HERC5: variants seen among roughly 807,000 people sequenced by gnomAD.
HERC5 encodes the protein E3 ISG15--protein ligase HERC5.
HERC5 carries 99 observed loss-of-function variants against 119.6 expected under a neutral mutation model. That is an observed-to-expected ratio of 0.83 (90% CI 0.70 to 0.98). The LOEUF (loss-of-function observed/expected upper bound fraction) is 0.98, where lower values mean the gene tolerates loss of function less well. Among genes scored for constraint, HERC5 ranks in the 50% least tolerant of loss-of-function variants. The probability of loss-of-function intolerance (pLI) is 0.00; values close to 1 mark genes in which losing one functional copy is unlikely to be tolerated. For missense variants in HERC5, 1,267 were observed against 1,241.3 expected (o/e 1.02, Z -0.31); for synonymous variants, 478 against 445.9 (o/e 1.07, Z -0.91).
chr4:88,479,081 T>G (rs978676211), intron 12 of HERC5, among the ~76,000 whole-genome samples: 1 of 151,154 alleles, frequency 6.6e-6, no homozygotes, highest in Non-Finnish European at 1.5e-5. Flanking sequence ...AGGTCAGGAG[T>G]TCAAGACCAG....
chr4:88,478,542 A>G (rs1470058604), intron 12 of HERC5, among the ~76,000 whole-genome samples: 1 of 152,188 alleles, frequency 6.6e-6, no homozygotes, highest in Non-Finnish European at 1.5e-5. Context: ...GGAGGACTGT[A>G]GTTAATAACA....
chr4:88,472,400 C>T lies in HERC5; in HGVS notation c.1299-9C>T. On this transcript the variant is annotated splice_polypyrimidine_tract_variant and intron_variant, in intron 10 of 22. Coordinates refer to ENST00000264350, the MANE Select transcript of HERC5 (RefSeq NM_016323.4). ...CTAACAAAATACTTAATTTATCTTTCTTCTACAGAAGAACTACAGAAATGA... is the reference window on the plus strand; with the variant it reads ...CTAACAAAATACTTAATTTATCTTTTTTCTACAGAAGAACTACAGAAATGA... 6.7e-7 allele frequency: 1 copy of T among 1,485,636 alleles called. No homozygotes were observed. Among genetic ancestry groups the T allele is most frequent in the Non-Finnish European group, 9.3e-7 (1 of 1,072,510 alleles). 92.0% of individuals were successfully genotyped at this position (1,485,636 alleles called of 1,614,324 possible). A position where few individuals can be genotyped will look rare whatever the true frequency, so the allele number is the denominator to read the frequency against.
At chr4:88,484,433 G>A (rs745926323) in intron 13 of HERC5, among the ~76,000 whole-genome samples, 1 of 150,956 alleles carries the variant, frequency 6.6e-6, no homozygotes, top group African/African-American at 2.4e-5. Context: ...CTTCTGCCAG[G>A]CTCCTAGAGA....
At position 88,459,541 on chromosome 4, in the gene HERC5, T is replaced by A. The variant is rs1370726009; in HGVS notation, c.389+71T>A. 7 of 1,016,128 alleles carry A rather than the reference T, an allele frequency of 6.9e-6. No homozygotes were observed. The Admixed American group carries it at 1.4e-4, about 20-fold the overall frequency. 62.9% of individuals were successfully genotyped at this position (1,016,128 alleles called of 1,614,324 possible). ...ACAATAATAATTTCTGTAGGAAATATCTGATTCTTGTCCCCTGCTTTATAT... is the reference window on the plus strand; with the variant it reads ...ACAATAATAATTTCTGTAGGAAATAACTGATTCTTGTCCCCTGCTTTATAT... On this transcript the variant is annotated intron_variant, in intron 2 of 22. Transcript: ENST00000264350.
At chr4:88,498,972 G>A (rs1387032358) in intron 18 of HERC5, among the ~76,000 whole-genome samples, 3 of 152,156 alleles carry the variant, frequency 2.0e-5, no homozygotes, top group Admixed American at 2.0e-4. Flanking sequence ...AACCCACAAT[G>A]AATAAAACAT....
chr4:88,477,145 A>G, intron 12 of HERC5, among the ~76,000 whole-genome samples: 1 of 140,420 alleles, frequency 7.1e-6, no homozygotes, highest in Non-Finnish European at 1.5e-5. Context: ...CTTCATCTCT[A>G]CTAAAAATAT....
chr4:88,486,086 A>G (rs1741452898), intron 13 of HERC5, 29 bp from the exon 14 acceptor site: 1 of 1,415,376 alleles, frequency 7.1e-7, no homozygotes, highest in Non-Finnish European at 9.8e-7. Context: ...TAAATATAAA[A>G]CTTTTTCACA....
intron 18 of HERC5, among the ~76,000 whole-genome samples, chr4:88,495,399 CAAAA>C (rs1442400102): frequency 6.6e-6 from 1 of 151,852 alleles, no homozygotes. Context: ...AACAAACAAA[CAAAA>C]ACAACAAAAA....
intron 13 of HERC5, among the ~76,000 whole-genome samples, chr4:88,482,224 C>T (rs1004243897): frequency 9.3e-5 from 14 of 151,170 alleles, no homozygotes; most frequent in Non-Finnish European, 1.9e-4. Flanking sequence ...GCAGGAGAGT[C>T]GCTTGAATCC....
rs1490932828 is a variant in HERC5 at position 88,470,639 on chromosome 4, C to A, written c.1264C>A (p.Pro422Thr). ...KREIQEIFSS[P>T]ACLTGSFLRK... is the part of the protein sequence containing the mutation. The stretch of plus-strand genomic sequence containing the variant: ...GGAAATCCAAGAGATATTTTCATCT[C>A]CTGCTTGTCTAACTGGAAGTTTTTT... The change falls in exon 10 of 23, where the codon CCT becomes ACT. Residue 422 changes from proline to threonine, a missense_variant. Pro to Thr is a conservative substitution (Grantham distance 38). Coordinates refer to ENST00000264350, the MANE Select transcript of HERC5 (RefSeq NM_016323.4). The A allele has an allele frequency of 1.3e-6, 2 of 1,512,760 alleles. No individual in the cohort carries two copies. Among genetic ancestry groups the A allele is most frequent in the Non-Finnish European group, 1.8e-6 (2 of 1,094,114 alleles). 93.7% of individuals were successfully genotyped at this position (1,512,760 alleles called of 1,614,324 possible).
chr4:88,476,128 A>T (rs1171219559), intron 12 of HERC5, 98 bp downstream of exon 12: 1 of 922,508 alleles, frequency 1.1e-6, no homozygotes, highest in Admixed American at 2.6e-5. Context: ...AAATGTATTC[A>T]TTTTTTTTTA....
intron 2 of HERC5, 43 bp from the exon 3 acceptor site, chr4:88,460,051 CT>C (rs1275566256): frequency 9.3e-7 from 1 of 1,076,350 alleles, no homozygotes; most frequent in South Asian, 1.4e-5. Flanking sequence ...CATGTTGTAA[CT>C]TTCATTATGG....
At chr4:88,475,324 C>CTTTTTTTTTTTTTTT (rs757780297) in intron 11 of HERC5, among the ~76,000 whole-genome samples, 1 of 123,486 alleles carries the variant, frequency 8.1e-6, no homozygotes, top group Non-Finnish European at 1.7e-5. Flanking sequence ...TTCTTTCTTT[C>CTTTTTTTTTTTTTTT]TTTTTTTTTT....
chr4:88,462,489 T>A, intron 4 of HERC5, 133 bp downstream of exon 4: 1 of 739,060 alleles, frequency 1.4e-6, no homozygotes. Context: ...CTCTCTGTCT[T>A]CAGGGCAGAA....
At chr4:88,459,760 A>G (rs1215639801) in intron 2 of HERC5, among the ~76,000 whole-genome samples, 2 of 152,144 alleles carry the variant, frequency 1.3e-5, no homozygotes, top group African/African-American at 4.8e-5. Context: ...TCTGGAAATA[A>G]AAGTTTTTAA....
rs766048976 is a variant in HERC5 at position 88,463,638 on chromosome 4, G to T, written c.780+15G>T. On this transcript the variant is annotated intron_variant, in intron 5 of 22. Transcript: ENST00000264350. ...TACTCACACAGGTGGGTGTACCCTTGTCTCTTTTTGGCTGTATTTTTAGAA... is the reference window on the plus strand; with the variant it reads ...TACTCACACAGGTGGGTGTACCCTTTTCTCTTTTTGGCTGTATTTTTAGAA... The T allele has an allele frequency of 1.0e-5, 16 of 1,600,002 alleles. No individual in the cohort carries two copies. Among genetic ancestry groups the T allele is most frequent in the African/African-American group, 6.7e-5 (5 of 74,260 alleles).
intron 16 of HERC5, among the ~76,000 whole-genome samples, chr4:88,490,536 C>G (rs2149103577): frequency 6.6e-6 from 1 of 152,254 alleles, no homozygotes; most frequent in South Asian, 2.1e-4. Context: ...TACCAAGTCT[C>G]AAGATACCAA....
intron 13 of HERC5, 107 bp downstream of exon 13, chr4:88,479,614 T>A: frequency 1.3e-6 from 1 of 787,094 alleles, no homozygotes; most frequent in Non-Finnish European, 1.9e-6. Flanking sequence ...ATACGAAGTT[T>A]ATATTGCTAT....
At chr4:88,495,782 A>G (rs1741778868) in intron 18 of HERC5, among the ~76,000 whole-genome samples, 1 of 152,234 alleles carries the variant, frequency 6.6e-6, no homozygotes, top group African/African-American at 2.4e-5. Context: ...CAAGATTTAG[A>G]AAGAAGGAGA....
Sources: gnomAD v4.1 joint callset for allele counts (sites outside exome capture counted in the v4.1 genomes callset) on GRCh38, gnomAD v4.1.1 for gene constraint, MANE v1.5 for transcripts, NCBI Gene and HGNC (gene_info 2026-07-23, HGNC 2026-07-21) for gene names.